The following AK2 variants were observed in gnomAD, a reference collection of about 807,000 sequenced individuals.
AK2 encodes the protein adenylate kinase 2.
A neutral mutation model predicts 24.6 loss-of-function variants in AK2; 15 were observed. The observed-to-expected ratio is 0.61, with a 90% CI of 0.41 to 0.94. AK2 has a LOEUF of 0.94. Among genes scored for constraint, AK2 ranks in the 40% least tolerant of loss-of-function variants. The pLI, the probability that AK2 is intolerant of heterozygous loss-of-function variation, is 0.00. For missense variants in AK2, 257 were observed against 304.1 expected, an observed-to-expected ratio of 0.85 and a Z score of 1.15; for synonymous variants, 102 against 114.0, an observed-to-expected ratio of 0.90 and a Z score of 0.67.
In AK2 at chr1:33,013,077, C is replaced by A. The variant is rs751675835; in HGVS notation, c.*104G>T. The A allele has an allele frequency of 2.5e-6, 4 of 1,608,398 alleles. No individual in the cohort carries two copies. Among genetic ancestry groups the A allele is most frequent in the Non-Finnish European group, 3.4e-6 (4 of 1,179,806 alleles). ...GCAAGTGCTTTTTTAATCAATACAT[C>A]AAATGATATTTTTGCTAGCCTGAGG... On this transcript the variant is annotated 3_prime_UTR_variant, in exon 6 of 6. Transcript: ENST00000672715.
At chr1:33,015,219 T>C (rs979431399) in intron 4 of AK2, among the ~76,000 whole-genome samples, 2 of 152,212 alleles carry the variant, frequency 1.3e-5, no homozygotes, top group African/African-American at 4.8e-5. Flanking sequence ...ATCACACAGA[T>C]AAAAGATAGC....
chr1:33,018,522 C>G (rs1428794954), intron 4 of AK2, among the ~76,000 whole-genome samples: 5 of 152,190 alleles, frequency 3.3e-5, no homozygotes, highest in Admixed American at 3.3e-4. Context: ...ACATTTTGGA[C>G]TACGAGGCAG....
chr1:33,012,859 C>T lies in AK2; in HGVS notation c.*322G>A, dbSNP rs1239900163. 2 of 1,307,418 alleles carry T rather than the reference C, an allele frequency of 1.5e-6. No individual in the cohort carries two copies. The highest frequency in any genetic ancestry group is 2.3e-5 in the Admixed American group (1 of 44,230). The allele number at this position is 1,307,418 out of a possible 1,614,324, so 81.0% of individuals were successfully genotyped here. ...GTTGCCGTGAGCCAAGATCACGCCA[C>T]TGCACTCCAGCCAGGGTGGCAGAGC... is the stretch of plus-strand genomic sequence containing the variant. On this transcript the variant is annotated 3_prime_UTR_variant, in exon 6 of 6. Coordinates refer to ENST00000672715, the MANE Select transcript of AK2 (RefSeq NM_001625.4).
rs79775969 is a variant in AK2, at chr1:33,011,126, G to A, written c.*2055C>T. 0.014 allele frequency: 19,987 copies of A among 1,404,948 alleles called. 449 individuals are homozygous for A. Among genetic ancestry groups the A allele is most frequent in the African/African-American group, 0.1 (7,222 of 69,158 alleles). 87.0% of individuals were successfully genotyped at this position (1,404,948 alleles called of 1,614,324 possible). A position where few individuals can be genotyped will look rare whatever the true frequency, so the allele number is the denominator to read the frequency against. On this transcript the variant is annotated 3_prime_UTR_variant, in exon 6 of 6. Transcript: ENST00000672715. ...TATGCACACGTGAATCTATGTGGAC[G>A]GATGACAAATATTTGGGCAAGGATC...
intron 1 of AK2, chr1:33,031,873 C>T (rs1038809130): frequency 3.3e-5 from 9 of 268,746 alleles, no homozygotes; most frequent in African/African-American, 1.3e-4. Flanking sequence ...GAGCATCCAA[C>T]CCCAAAAGGG....
At chr1:33,028,255 G>A (rs1557630285) in intron 1 of AK2, among the ~76,000 whole-genome samples, 1 of 152,156 alleles carries the variant, frequency 6.6e-6, no homozygotes, top group Admixed American at 6.5e-5. Context: ...TGTAATCCCA[G>A]CACTCTAGGA....
At position 33,014,513 on chromosome 1, in the gene AK2, T is replaced by TTTA; in HGVS notation, c.498+6_498+8dup. ...AGAAAAGGAAATTTTTTGTCCTGAG[T>TTTA]TTACATACGTCATCTTTCATGGGCT... is the stretch of plus-strand genomic sequence containing the variant. On this transcript the variant is annotated intron_variant, in intron 5 of 5. Transcript: ENST00000672715. The TTTA allele has an allele frequency of 6.2e-7, 1 of 1,611,034 alleles. No individual in the cohort carries two copies. Among genetic ancestry groups the TTTA allele is most frequent in the Non-Finnish European group, 8.5e-7 (1 of 1,177,792 alleles).
intron 4 of AK2, among the ~76,000 whole-genome samples, chr1:33,016,994 C>T (rs1051624726): frequency 1.3e-4 from 19 of 151,500 alleles, no homozygotes; most frequent in African/African-American, 3.9e-4. Flanking sequence ...TGTGAGCCAC[C>T]GCGCCCGGTC....
chr1:33,012,075 C>A lies in AK2; in HGVS notation c.*1106G>T. On this transcript the variant is annotated 3_prime_UTR_variant, in exon 6 of 6. Transcript: ENST00000672715. ...AAAAATAAAAGCAAATAAACCTACCCTGGTCTCTTTTTGGGGAAGTAGATT... is the reference window on the plus strand; with the variant it reads ...AAAAATAAAAGCAAATAAACCTACCATGGTCTCTTTTTGGGGAAGTAGATT... 1.3e-6 allele frequency: 2 copies of A among 1,535,440 alleles called. No individual in the cohort carries two copies.
intron 1 of AK2, among the ~76,000 whole-genome samples, chr1:33,028,837 C>T (rs1209678812): frequency 6.6e-6 from 1 of 152,162 alleles, no homozygotes; most frequent in Admixed American, 6.5e-5. Flanking sequence ...ATTTCCTAGG[C>T]CCACCTTTAA....
Position 33,012,770 on chromosome 1 carries a change from A to G in AK2, c.*411T>C, listed in dbSNP as rs1054970779. 3 of 956,250 alleles carry G rather than the reference A, an allele frequency of 3.1e-6. No individual in the cohort carries two copies. Among genetic ancestry groups the G allele is most frequent in the Non-Finnish European group, 4.4e-6 (3 of 686,612 alleles). The allele number at this position is 956,250 out of a possible 1,614,324, so 59.2% of individuals were successfully genotyped here. A position where few individuals can be genotyped will look rare whatever the true frequency, so the allele number is the denominator to read the frequency against. On this transcript the variant is annotated 3_prime_UTR_variant, in exon 6 of 6. Coordinates refer to ENST00000672715, the MANE Select transcript of AK2 (RefSeq NM_001625.4). ...ATATCAGCCAGGTGTTGTGGCATGC[A>G]CCTGTAGTCCCAGCTGCTCAGGAGG... is the stretch of plus-strand genomic sequence containing the variant.
intron 1 of AK2, among the ~76,000 whole-genome samples, chr1:33,032,971 G>C (rs185457287): frequency 2.0e-5 from 3 of 152,158 alleles, no homozygotes; most frequent in Admixed American, 6.5e-5. Flanking sequence ...AGACCATCCT[G>C]GCTAACACAG....
intron 4 of AK2, among the ~76,000 whole-genome samples, chr1:33,019,113 T>G (rs1368734779): frequency 6.6e-6 from 1 of 152,214 alleles, no homozygotes; most frequent in African/African-American, 2.4e-5. Flanking sequence ...TCTGAAATAC[T>G]CTTCATCGAG....
chr1:33,012,293 C>T lies in AK2; in HGVS notation c.*888G>A. 1 of 1,533,812 alleles carries T rather than the reference C, an allele frequency of 6.5e-7. No individual in the cohort carries two copies. Among genetic ancestry groups the T allele is most frequent in the Non-Finnish European group, 8.7e-7 (1 of 1,146,458 alleles). On this transcript the variant is annotated 3_prime_UTR_variant, in exon 6 of 6. Coordinates refer to ENST00000672715, the MANE Select transcript of AK2 (RefSeq NM_001625.4). Reference sequence around the variant, plus strand: ...CTGGCTCTTTTTATGACGATATCCTCTCCCAGTAATTTCTGTAACCTGCAA... The same window carrying T: ...CTGGCTCTTTTTATGACGATATCCTTTCCCAGTAATTTCTGTAACCTGCAA...
chr1:33,008,881 C>T lies in AK2; in HGVS notation c.*4300G>A, dbSNP rs1380876143. 2.2e-6 allele frequency: 1 copy of T among 454,134 alleles called. No homozygotes were observed. Among genetic ancestry groups the T allele is most frequent in the South Asian group, 1.6e-5 (1 of 64,480 alleles). 28.1% of individuals were successfully genotyped at this position (454,134 alleles called of 1,614,324 possible). On this transcript the variant is annotated 3_prime_UTR_variant, in exon 6 of 6. Coordinates refer to ENST00000672715, the MANE Select transcript of AK2 (RefSeq NM_001625.4). The stretch of plus-strand genomic sequence containing the variant: ...CCAAAGAAGCAAACAAACAATAGCT[C>T]ACCCAGTCTTCTCTGTTTATTCTTC...
At position 33,011,319 on chromosome 1, in the gene AK2, T is replaced by G; in HGVS notation, c.*1862A>C. ...CTGACAGTTTTTGTTTCACTCCTCTTCCTTGCCCATTCCCAGAAGTCATGT... is the reference window on the plus strand; with the variant it reads ...CTGACAGTTTTTGTTTCACTCCTCTGCCTTGCCCATTCCCAGAAGTCATGT... On this transcript the variant is annotated 3_prime_UTR_variant, in exon 6 of 6. Transcript: ENST00000672715. 1 of 1,288,996 alleles carries G rather than the reference T, an allele frequency of 7.8e-7. No homozygotes were observed. The highest frequency in any genetic ancestry group is 1.0e-6 in the Non-Finnish European group (1 of 989,986). 79.8% of individuals were successfully genotyped at this position (1,288,996 alleles called of 1,614,324 possible).
chr1:33,034,393 A>G (rs945206047), intron 1 of AK2, among the ~76,000 whole-genome samples: 1 of 151,834 alleles, frequency 6.6e-6, no homozygotes, highest in Non-Finnish European at 1.5e-5. Flanking sequence ...AAGGGAGTCA[A>G]AATTTATTGA....
chr1:33,023,046 C>A lies in AK2; in HGVS notation c.220-1343G>T, dbSNP rs149524191. Among the ~76,000 whole-genome samples the A allele has an allele frequency of 1.4e-4, 21 of 152,176 alleles. No homozygotes were observed. The East Asian group carries it at 3.7e-3, about 27-fold the overall frequency. On this transcript the variant is annotated intron_variant, in intron 2 of 5. Coordinates refer to ENST00000672715, the MANE Select transcript of AK2 (RefSeq NM_001625.4). Reference sequence around the variant, plus strand: ...TTGATACAGCTACAGAATCTCAAAGCCTAACAGAAGGTAACTTGAGGATTA... The same window carrying A: ...TTGATACAGCTACAGAATCTCAAAGACTAACAGAAGGTAACTTGAGGATTA...
rs1638712386 is a variant in AK2 at position 33,010,154 on chromosome 1, G to A, written c.*3027C>T. 4.4e-6 allele frequency: 2 copies of A among 454,158 alleles called. No homozygotes were observed. The allele number at this position is 454,158 out of a possible 1,614,324, so 28.1% of individuals were successfully genotyped here. ...AAAGAAGGCAAGAGCATAGGATTGT[G>A]GCATGTGCTGGGTAGCTGTGAGAGG... On this transcript the variant is annotated 3_prime_UTR_variant, in exon 6 of 6. Transcript: ENST00000672715.
Sources: allele counts gnomAD v4.1 joint callset (sites outside exome capture counted in the v4.1 genomes callset), GRCh38; gene constraint gnomAD v4.1.1; transcripts MANE v1.5; gene names NCBI Gene and HGNC (gene_info 2026-07-23, HGNC 2026-07-21).